CADPS: variants seen among roughly 807,000 people sequenced by gnomAD.
CADPS encodes the protein calcium-dependent secretion activator 1.
Under a neutral mutation model 167.3 loss-of-function variants are expected in CADPS, and 57 were observed. That is an observed-to-expected ratio of 0.34 (90% confidence interval 0.28 to 0.42). The LOEUF (loss-of-function observed/expected upper bound fraction) is 0.42. Ranked by LOEUF, CADPS falls within the 20% of genes least tolerant of loss-of-function variation. The pLI, the probability that CADPS is intolerant of heterozygous loss-of-function variation, is 1.00. For missense variants in CADPS, 1,414 were observed against 1,738.1 expected (o/e 0.81, Z 3.32); for synonymous variants, 676 against 635.3 (o/e 1.06, Z -0.96).
At chr3:62,797,981 C>T (rs2152783871) in intron 1 of CADPS, among the ~76,000 whole-genome samples, 1 of 152,250 alleles carries the variant, frequency 6.6e-6, no homozygotes. Flanking sequence ...ATTCGTTCAA[C>T]AAATACTGAG....
chr3:62,562,690 C>A (rs977445532), intron 9 of CADPS, among the ~76,000 whole-genome samples: 1 of 152,206 alleles, frequency 6.6e-6, no homozygotes, highest in Non-Finnish European at 1.5e-5. Context: ...CCTCCCACAA[C>A]TGAATCCTGG....
intron 4 of CADPS, among the ~76,000 whole-genome samples, chr3:62,652,730 AAAG>A (rs1487398152): frequency 6.6e-6 from 1 of 152,178 alleles, no homozygotes; most frequent in Admixed American, 6.6e-5. Flanking sequence ...AGAGAAAAGA[AAAG>A]AAAAGAAAAG....
At chr3:62,683,643 A>T (rs1440390138) in intron 3 of CADPS, among the ~76,000 whole-genome samples, 1 of 152,016 alleles carries the variant, frequency 6.6e-6, no homozygotes, top group Non-Finnish European at 1.5e-5. Context: ...TTTGGACCTC[A>T]TTAGATTTTT....
At chr3:62,771,283 A>T (rs970260748) in intron 1 of CADPS, among the ~76,000 whole-genome samples, 1 of 152,208 alleles carries the variant, frequency 6.6e-6, no homozygotes, top group Non-Finnish European at 1.5e-5. Flanking sequence ...CTCTGGCGAT[A>T]TAACAGTATC....
intron 6 of CADPS, among the ~76,000 whole-genome samples, chr3:62,634,148 A>G (rs1228819549): frequency 6.6e-6 from 1 of 152,204 alleles, no homozygotes; most frequent in East Asian, 1.9e-4. Flanking sequence ...TTCATTTAAT[A>G]TGATGAATGC....
chr3:62,852,074 T>C (rs1416533013), intron 1 of CADPS, among the ~76,000 whole-genome samples: 1 of 147,824 alleles, frequency 6.8e-6, no homozygotes, highest in Non-Finnish European at 1.5e-5. Context: ...CATCGGCTCC[T>C]GAGGCTTCTG....
Position 62,478,527 on chromosome 3 carries a change from AAAC to A in CADPS, c.3174-114_3174-112del. 1 of 987,920 alleles carries A rather than the reference AAAC, an allele frequency of 1.0e-6. No homozygotes were observed. Among genetic ancestry groups the A allele is most frequent in the Non-Finnish European group, 1.5e-6 (1 of 667,446 alleles). The allele number at this position is 987,920 out of a possible 1,614,324, so 61.2% of individuals were successfully genotyped here. On this transcript the variant is annotated intron_variant, in intron 22 of 29. Transcript: ENST00000383710. The surrounding 1 kb of genome is among the most constrained non-coding windows in gnomAD (Gnocchi z 5.7). ...AGGCAAACAGCAGCTTCAACATACAAAACAACGTGTGTTGGCGGTGGAGGCGGG... is the reference window on the plus strand; with the variant it reads ...AGGCAAACAGCAGCTTCAACATACAAAACGTGTGTTGGCGGTGGAGGCGGG...
intron 11 of CADPS, among the ~76,000 whole-genome samples, chr3:62,545,686 A>G (rs908490800): frequency 4.6e-5 from 7 of 152,118 alleles, no homozygotes; most frequent in African/African-American, 1.7e-4. Flanking sequence ...TTTCATTTTA[A>G]AACTGAGCTT....
chr3:62,665,699 G>A (rs778738550), intron 3 of CADPS, among the ~76,000 whole-genome samples: 11 of 152,278 alleles, frequency 7.2e-5, no homozygotes, highest in Middle Eastern at 3.4e-3. Context: ...TTTTGGGGAG[G>A]CTGTAGCAGT....
intron 3 of CADPS, among the ~76,000 whole-genome samples, chr3:62,675,491 C>T (rs1248552996): frequency 6.6e-6 from 1 of 151,994 alleles, no homozygotes; most frequent in Non-Finnish European, 1.5e-5. Flanking sequence ...ATTTAATTTG[C>T]ATTGTGAAAG....
intron 1 of CADPS, among the ~76,000 whole-genome samples, chr3:62,808,677 C>A (rs747346073): frequency 4.6e-5 from 7 of 152,008 alleles, no homozygotes; most frequent in Non-Finnish European, 7.4e-5. Context: ...TCCTGGGTGT[C>A]CTTTCCTCAG....
At chr3:62,866,345 C>G (rs1209113804) in intron 1 of CADPS, among the ~76,000 whole-genome samples, 2 of 152,116 alleles carry the variant, frequency 1.3e-5, no homozygotes, top group South Asian at 4.1e-4. Context: ...TATTTCCTCT[C>G]TTTAGAAGCT....
chr3:62,770,181 C>T (rs1162398624), intron 1 of CADPS, among the ~76,000 whole-genome samples: 1 of 152,156 alleles, frequency 6.6e-6, no homozygotes, highest in Admixed American at 6.5e-5. Context: ...TTCTGGTTTT[C>T]CCCATGGTTG....
intron 28 of CADPS, among the ~76,000 whole-genome samples, chr3:62,435,678 T>C (rs542276071): frequency 3.8e-4 from 58 of 152,204 alleles, no homozygotes; most frequent in Admixed American, 7.2e-4. Context: ...TTTTTTTTTT[T>C]CCACGGGGCC....
chr3:62,601,460 A>C lies in CADPS; in HGVS notation c.1326-8712T>G, dbSNP rs778434748. On this transcript the variant is annotated intron_variant, in intron 6 of 29. Coordinates refer to ENST00000383710, the MANE Select transcript of CADPS (RefSeq NM_003716.4). This position sits in a 1 kb window ranked among gnomAD's most constrained non-coding sequence, Gnocchi z 4.3. The stretch of plus-strand genomic sequence containing the variant: ...GACTTGGCCTAATGGAAATACTTTT[A>C]TTTTCATTAGCAGATTAGCAGAATG... Among the ~76,000 whole-genome samples the C allele has an allele frequency of 6.6e-6, 1 of 152,178 alleles. No individual in the cohort carries two copies. Among genetic ancestry groups the C allele is most frequent in the Non-Finnish European group, 1.5e-5 (1 of 68,038 alleles).
At chr3:62,728,304 C>T (rs2077124139) in intron 3 of CADPS, among the ~76,000 whole-genome samples, 1 of 151,642 alleles carries the variant, frequency 6.6e-6, no homozygotes, top group East Asian at 1.9e-4. Context: ...GTCCTCCTCT[C>T]GAACATCTGC....
Position 62,638,880 on chromosome 3 carries a change from A to G in CADPS, c.1325+6842T>C, listed in dbSNP as rs1476288304. 2.0e-5 allele frequency among the ~76,000 whole-genome samples: 3 copies of G among 152,166 alleles called. No individual in the cohort carries two copies. In the East Asian group the frequency reaches 5.8e-4, roughly 29 times the overall value. On this transcript the variant is annotated intron_variant, in intron 6 of 29. Coordinates refer to ENST00000383710, the MANE Select transcript of CADPS (RefSeq NM_003716.4). Reference sequence around the variant, plus strand: ...TTGGATTCCACTTTTCAGGACTTGGAGAAGTTGGAAAGCTTGGTGGCTTAC... The same window carrying G: ...TTGGATTCCACTTTTCAGGACTTGGGGAAGTTGGAAAGCTTGGTGGCTTAC...
chr3:62,656,318 G>C (rs2071563968), intron 4 of CADPS, among the ~76,000 whole-genome samples: 1 of 152,028 alleles, frequency 6.6e-6, no homozygotes, highest in Non-Finnish European at 1.5e-5. Flanking sequence ...CTGGACACTA[G>C]GTGAAAACTT....
rs759614806 is a variant in CADPS at position 62,550,093 on chromosome 3, G to A, written c.1776C>T (p.Phe592=). Residue 592 remains phenylalanine, a synonymous_variant, in exon 11 of 30, where the codon TTC becomes TTT. Transcript: ENST00000383710. ...PQPGLEGGRA[F]FNAVKEGDTV... ...TGTCTCCCTCCTTGACAGCATTGAA[G>A]AAGGCTCGGCCACCCTCCAAACCTG... 1.9e-6 allele frequency: 3 copies of A among 1,614,040 alleles called. No homozygotes were observed. Among genetic ancestry groups the A allele is most frequent in the Non-Finnish European group, 2.5e-6 (3 of 1,179,938 alleles).
Sources: gnomAD v4.1 joint callset for allele counts (sites outside exome capture counted in the v4.1 genomes callset) on GRCh38, gnomAD v4.1.1 for gene constraint, Gnocchi (gnomAD v3.1) non-coding constraint, MANE v1.5 for transcripts, NCBI Gene and HGNC (gene_info 2026-07-23, HGNC 2026-07-21) for gene names.